Variants in KHDC4 observed in about 807,000 individuals in gnomAD.
KHDC4 encodes KH homology domain-containing protein 4.
KHDC4 carries 19 observed loss-of-function variants against 74.5 expected under a neutral mutation model. The ratio of observed to expected loss-of-function variants is 0.26; its 90% CI spans 0.18 to 0.37. The LOEUF is 0.37. Ranked by LOEUF, KHDC4 falls within the 10% of genes least tolerant of loss-of-function variation. The probability of loss-of-function intolerance (pLI) is 1.00; values close to 1 mark genes in which losing one functional copy is unlikely to be tolerated. For missense variants in KHDC4, 632 were observed against 754.1 expected, an observed-to-expected ratio of 0.84 and a Z score of 1.90; for synonymous variants, 253 against 266.1, an observed-to-expected ratio of 0.95 and a Z score of 0.48.
intron 2 of KHDC4, chr1:155,932,668 T>C (rs141955881): frequency 2.0e-5 from 3 of 152,206 alleles, no homozygotes; most frequent in Non-Finnish European, 4.4e-5. Context: ...ACACAATCTT[T>C]GCAAACAATA....
Position 155,934,320 on chromosome 1 carries a change from G to T in KHDC4, c.38+16C>A. 1 of 1,606,922 alleles carries T rather than the reference G, an allele frequency of 6.2e-7. No individual in the cohort carries two copies. On this transcript the variant is annotated intron_variant, in intron 1 of 13. Transcript: ENST00000368321. ...CCCCAGTGCTCGCTCCGATGCCCTC[G>T]CCCCTGAAGCCGTACCCGCCAGCTC...
chr1:155,923,336 T>G (rs1374886595), intron 8 of KHDC4, among the ~76,000 whole-genome samples: 1 of 152,200 alleles, frequency 6.6e-6, no homozygotes, highest in Admixed American at 6.5e-5. Context: ...ACTGGAGTTA[T>G]GCTAATACAA....
intron 7 of KHDC4, among the ~76,000 whole-genome samples, chr1:155,924,990 A>T (rs1476692544): frequency 6.7e-6 from 1 of 150,316 alleles, no homozygotes; most frequent in African/African-American, 2.4e-5. Flanking sequence ...CAGCCTACTG[A>T]GCAGCTGGGA....
At chr1:155,927,208 G>A in intron 4 of KHDC4, 52 bp from the exon 5 acceptor site, 1 of 1,345,550 alleles carries the variant, frequency 7.4e-7, no homozygotes, top group Non-Finnish European at 1.1e-6. Context: ...AACCAAAAAA[G>A]GAGTCAAATG....
rs1197342737 is a variant in KHDC4, at chr1:155,915,609, G to A, written c.1645+264C>T. The A allele has an allele frequency of 9.8e-6, 4 of 407,508 alleles. No individual in the cohort carries two copies. In the East Asian group the frequency reaches 1.5e-4, roughly 15 times the overall value. 25.2% of individuals were successfully genotyped at this position (407,508 alleles called of 1,614,324 possible). A position where few individuals can be genotyped will look rare whatever the true frequency, so the allele number is the denominator to read the frequency against. ...TGCAACCTCTGCCTCCCAGGTTGAA[G>A]CGATTCTCCTGCCTCAACCCCCTGA... On this transcript the variant is annotated intron_variant, in intron 13 of 13. Coordinates refer to ENST00000368321, the MANE Select transcript of KHDC4 (RefSeq NM_014949.4).
intron 8 of KHDC4, 182 bp from the exon 9 acceptor site, chr1:155,922,100 C>A: frequency 2.4e-6 from 1 of 417,734 alleles, no homozygotes; most frequent in South Asian, 2.8e-5. Context: ...CTTGCTCTGT[C>A]ACCCAGGCTG....
chr1:155,929,658 T>A, intron 3 of KHDC4, 54 bp downstream of exon 3: 1 of 1,579,028 alleles, frequency 6.3e-7, no homozygotes, highest in Non-Finnish European at 8.6e-7. Context: ...TTAGAGGTCT[T>A]CTTTATCTGA....
Position 155,929,822 on chromosome 1 carries a change from CT to C in KHDC4, c.273del (p.Gly92AlafsTer2). On this transcript the variant is annotated frameshift_variant, in exon 3 of 14. Transcript: ENST00000368321. LOFTEE classifies it high-confidence loss of function. ...TCCTTGCTTTTATTGCTAGTTAGGCCTTTGCCAGGAGCCTGAAGCTAGAAAA... is the reference window on the plus strand; with the variant it reads ...TCCTTGCTTTTATTGCTAGTTAGGCCTTGCCAGGAGCCTGAAGCTAGAAAA... ...NASEKLQAPGKGLTSNKSKDD... is the reference protein window; with the variant it reads ...NASEKLQAPGXGLTSNKSKDD... 1 of 1,598,528 alleles carries C rather than the reference CT, an allele frequency of 6.3e-7. No individual in the cohort carries two copies. The highest frequency in any genetic ancestry group is 8.5e-7 in the Non-Finnish European group (1 of 1,173,098).
intron 13 of KHDC4, 195 bp downstream of exon 13, chr1:155,915,678 T>G: frequency 2.0e-6 from 1 of 504,868 alleles, no homozygotes; most frequent in Non-Finnish European, 3.5e-6. Context: ...CGCTAGTTTT[T>G]GTATTTTTAG....
At chr1:155,926,927 C>T (rs1557970209) in intron 5 of KHDC4, 88 bp from the exon 6 acceptor site, 1 of 1,469,386 alleles carries the variant, frequency 6.8e-7, no homozygotes, top group East Asian at 2.3e-5. Flanking sequence ...CGTAAATCTG[C>T]TTTATACGTT....
chr1:155,922,087 A>AGG (rs1557968222), intron 8 of KHDC4, 169 bp from the exon 9 acceptor site: 1 of 295,112 alleles, frequency 3.4e-6, no homozygotes, highest in Non-Finnish European at 5.7e-6. Flanking sequence ...TTTTTGAGAC[A>AGG]GTCTTGCTCT....
At chr1:155,923,383 G>A (rs1006377379) in intron 8 of KHDC4, among the ~76,000 whole-genome samples, 1 of 152,172 alleles carries the variant, frequency 6.6e-6, no homozygotes, top group Non-Finnish European at 1.5e-5. Context: ...GGTGCTAGGA[G>A]AGAGGAAAGG....
At position 155,913,146 on chromosome 1, in the gene KHDC4, CA is replaced by C; in HGVS notation, c.*974del. On this transcript the variant is annotated 3_prime_UTR_variant, in exon 14 of 14. Coordinates refer to ENST00000368321, the MANE Select transcript of KHDC4 (RefSeq NM_014949.4). ...ATACAAAGCCAGCCTGCAAAGTATT[CA>C]AATGTGCAAAAATGACAGTTCAATA... 6.5e-6 allele frequency: 1 copy of C among 152,838 alleles called. No homozygotes were observed. Among genetic ancestry groups the C allele is most frequent in the Middle Eastern group, 3.4e-3 (1 of 294 alleles). The allele number at this position is 152,838 out of a possible 1,614,324, so 9.5% of individuals were successfully genotyped here. A position where few individuals can be genotyped will look rare whatever the true frequency, so the allele number is the denominator to read the frequency against.
chr1:155,924,525 G>A (rs1673939655), intron 7 of KHDC4, among the ~76,000 whole-genome samples: 1 of 150,674 alleles, frequency 6.6e-6, no homozygotes, highest in Non-Finnish European at 1.5e-5. Flanking sequence ...CAAAACCAAA[G>A]GACTTGAATA....
At position 155,926,726 on chromosome 1, in the gene KHDC4, T is replaced by C. The variant is rs766025174; in HGVS notation, c.631A>G (p.Ile211Val). 2 of 1,614,076 alleles carry C rather than the reference T, an allele frequency of 1.2e-6. No individual in the cohort carries two copies. The highest frequency in any genetic ancestry group is 2.2e-5 in the East Asian group (1 of 44,902). ...TVTVYHQPAP[I>V]AQLSPAVSQK... is the part of the protein sequence containing the mutation. Reference sequence around the variant, plus strand: ...CTAACAGCTGGAGACAACTGAGCGATGGGTGCTGGCTGGTGATAGACAGTT... The same window carrying C: ...CTAACAGCTGGAGACAACTGAGCGACGGGTGCTGGCTGGTGATAGACAGTT... Residue 211 changes from isoleucine (I) to valine (V), a missense_variant, in exon 6 of 14, where the codon ATC (isoleucine) becomes GTC (valine). Physicochemically the swap from Ile to Val is conservative, Grantham distance 29. This residue lies in a region of KHDC4 where 233 missense variants were observed against 342.6 expected (regional missense o/e 0.68). Transcript: ENST00000368321.
At chr1:155,919,598 T>G (rs1673809170) in intron 10 of KHDC4, among the ~76,000 whole-genome samples, 1 of 151,618 alleles carries the variant, frequency 6.6e-6, no homozygotes, top group Non-Finnish European at 1.5e-5. Flanking sequence ...ATCACGAGGT[T>G]AGGAGATCAA....
chr1:155,919,031 A>G (rs1673795688), intron 10 of KHDC4, among the ~76,000 whole-genome samples: 4 of 140,662 alleles, frequency 2.8e-5, no homozygotes, highest in Non-Finnish European at 6.0e-5. Flanking sequence ...GCAGTGATGC[A>G]ATCTCGGCTC....
At chr1:155,927,923 T>C (rs1674053581) in intron 4 of KHDC4, among the ~76,000 whole-genome samples, 1 of 145,686 alleles carries the variant, frequency 6.9e-6, no homozygotes, top group Non-Finnish European at 1.5e-5. Flanking sequence ...CCTCTTAAGG[T>C]CTACATCAAC....
intron 2 of KHDC4, among the ~76,000 whole-genome samples, chr1:155,933,432 C>A (rs1387759448): frequency 6.6e-6 from 1 of 152,024 alleles, no homozygotes; most frequent in Non-Finnish European, 1.5e-5. Context: ...ATTACAGGCG[C>A]GTGCCACCAT....
Sources: gnomAD v4.1 joint callset for allele counts (sites outside exome capture counted in the v4.1 genomes callset) on GRCh38, gnomAD v4.1.1 for gene constraint, gnomAD v4.1.1 regional missense constraint, MANE v1.5 for transcripts, NCBI Gene and HGNC (gene_info 2026-07-23, HGNC 2026-07-21) for gene names.